The following DENND11 variants were observed in gnomAD, a reference collection of about 807,000 sequenced individuals.
The protein encoded by DENND11 is DENN domain-containing protein 11.
Under a neutral mutation model 49.2 loss-of-function variants are expected in DENND11, and 34 were observed. The ratio of observed to expected loss-of-function variants is 0.69; its 90% confidence interval spans 0.53 to 0.92. The LOEUF is 0.92. Ranked by LOEUF, DENND11 falls within the 40% of genes least tolerant of loss-of-function variation. The pLI, the probability that DENND11 is intolerant of heterozygous loss-of-function variation, is 0.00. For synonymous variants in DENND11, 238 were observed against 230.3 expected, an observed-to-expected ratio of 1.03 and a Z score of -0.30; for missense variants, 475 against 581.6, an observed-to-expected ratio of 0.82 and a Z score of 1.88.
chr7:141,669,955 C>G (rs1020692841), intron 4 of DENND11, among the ~76,000 whole-genome samples: 1 of 150,868 alleles, frequency 6.6e-6, no homozygotes, highest in Non-Finnish European at 1.5e-5. Flanking sequence ...GGACTACAGG[C>G]GCCCGCCACC....
At chr7:141,674,539 C>G (rs750446786) in intron 3 of DENND11, among the ~76,000 whole-genome samples, 1 of 152,094 alleles carries the variant, frequency 6.6e-6, no homozygotes, top group Non-Finnish European at 1.5e-5. Context: ...CAAGGTACGC[C>G]GGAGACTGGG....
chr7:141,682,209 G>T (rs1257548557), intron 3 of DENND11, among the ~76,000 whole-genome samples: 1 of 152,186 alleles, frequency 6.6e-6, no homozygotes, highest in Non-Finnish European at 1.5e-5. Context: ...TTTTAGACTG[G>T]AAGCATGAAC....
At chr7:141,685,029 A>AATATATAT (rs1167922771) in intron 3 of DENND11, among the ~76,000 whole-genome samples, 50 of 91,534 alleles carry the variant, frequency 5.5e-4, no homozygotes, top group Non-Finnish European at 7.0e-4. Flanking sequence ...AAAAAAAAAA[A>AATATATAT]ATATATATAT....
intron 1 of DENND11, among the ~76,000 whole-genome samples, chr7:141,697,194 G>A (rs1798427151): frequency 6.6e-6 from 1 of 152,164 alleles, no homozygotes; most frequent in African/African-American, 2.4e-5. Context: ...GGGAGGATCA[G>A]AGGCAGGTCA....
chr7:141,671,366 G>T (rs1487339816), intron 4 of DENND11, among the ~76,000 whole-genome samples: 1 of 152,132 alleles, frequency 6.6e-6, no homozygotes, highest in Non-Finnish European at 1.5e-5. Context: ...TAGTAGAGAT[G>T]GGGTTTCACC....
intron 4 of DENND11, among the ~76,000 whole-genome samples, chr7:141,673,662 A>G (rs1798018639): frequency 6.6e-6 from 1 of 152,266 alleles, no homozygotes; most frequent in Admixed American, 6.5e-5. Flanking sequence ...ATATTCTAGT[A>G]CCAAAGCCAA....
intron 8 of DENND11, 43 bp from the exon 9 acceptor site, chr7:141,662,894 A>G (rs1238443483): frequency 2.8e-6 from 4 of 1,418,926 alleles, no homozygotes; most frequent in Non-Finnish European, 2.8e-6. Context: ...GCGGGGGGGA[A>G]TAAAAAGCTC....
intron 4 of DENND11, 117 bp from the exon 5 acceptor site, chr7:141,666,542 T>G: frequency 2.0e-6 from 2 of 979,418 alleles, no homozygotes; most frequent in Non-Finnish European, 2.9e-6. Flanking sequence ...AACAGATACA[T>G]TAAAGGATGC....
chr7:141,692,919 C>T (rs1798349932), intron 1 of DENND11, among the ~76,000 whole-genome samples: 1 of 152,110 alleles, frequency 6.6e-6, no homozygotes, highest in African/African-American at 2.4e-5. Context: ...TAGAAGATAA[C>T]ACAGGAGAAA....
In DENND11 at chr7:141,702,100, G is replaced by A. The variant is rs1267347337; in HGVS notation, c.54C>T (p.Ala18=). The change falls in exon 1 of 9, where the codon GCC becomes GCT. Residue 18 remains alanine, a synonymous_variant. Transcript: ENST00000536163. The part of the protein sequence containing the change: ...APLLRWAEGP[A]VSLPQAPQPQ... Reference sequence around the variant, plus strand: ...GCTGCGGGGCCTGCGGCAGGGAGACGGCGGGGCCCTCGGCCCAGCGCAGCA... The same window carrying A: ...GCTGCGGGGCCTGCGGCAGGGAGACAGCGGGGCCCTCGGCCCAGCGCAGCA... The A allele has an allele frequency of 4.1e-6, 4 of 984,738 alleles. No individual in the cohort carries two copies. Among genetic ancestry groups the A allele is most frequent in the East Asian group, 1.1e-4 (1 of 8,838 alleles). The allele number at this position is 984,738 out of a possible 1,614,324, so 61.0% of individuals were successfully genotyped here.
chr7:141,700,899 G>A (rs1798500502), intron 1 of DENND11, among the ~76,000 whole-genome samples: 3 of 151,790 alleles, frequency 2.0e-5, no homozygotes, highest in Non-Finnish European at 4.4e-5. Context: ...TTTCCCGCAC[G>A]AACAGGCACT....
chr7:141,663,210 TCAA>T (rs985699859), intron 8 of DENND11: 14 of 192,318 alleles, frequency 7.3e-5, no homozygotes, highest in East Asian at 6.6e-4. Flanking sequence ...AAGCAAAAAT[TCAA>T]CAACAACAAC....
At chr7:141,679,172 T>A (rs1259373230) in intron 3 of DENND11, among the ~76,000 whole-genome samples, 5 of 152,236 alleles carry the variant, frequency 3.3e-5, no homozygotes, top group Non-Finnish European at 7.3e-5. Context: ...CTTCTTTCTT[T>A]TCCTCATACT....
Position 141,662,807 on chromosome 7 carries a change from T to C in DENND11, c.1217A>G (p.Glu406Gly). The change falls in exon 9 of 9, where the codon GAG becomes GGG. Residue 406 changes from glutamate (E) to glycine (G), a missense_variant. By Grantham distance (98) the Glu-to-Gly change is moderately conservative. Transcript: ENST00000536163. ...QNNRIFQTLLEVSASQDKTLT... is the reference protein window; with the variant it reads ...QNNRIFQTLLGVSASQDKTLT... The stretch of plus-strand genomic sequence containing the variant: ...AGTTTTGTCTTGACTGGCAGACACC[T>C]CCAACAAAGTCTGAAATATCCGGTT... 1 of 1,590,484 alleles carries C rather than the reference T, an allele frequency of 6.3e-7. No individual in the cohort carries two copies. The highest frequency in any genetic ancestry group is 1.1e-5 in the South Asian group (1 of 87,390).
chr7:141,674,614 G>A (rs954667934), intron 3 of DENND11, among the ~76,000 whole-genome samples: 2 of 152,142 alleles, frequency 1.3e-5, no homozygotes, highest in African/African-American at 4.8e-5. Context: ...AAAATTCCCT[G>A]CTTAAAGCCG....
chr7:141,700,477 G>GA (rs201716585), intron 1 of DENND11, among the ~76,000 whole-genome samples: 6,896 of 117,354 alleles, frequency 0.059, 207 homozygotes, highest in Non-Finnish European at 0.069. Context: ...GACACTGTCT[G>GA]AAAAAAAAAA....
At position 141,702,054 on chromosome 7, in the gene DENND11, G is replaced by A. The variant is rs1197656791; in HGVS notation, c.100C>T (p.Arg34Trp). ...GGCCGGGCGCCCCCGCCGCCGCCCCGGCCCCAGCCTCCCGCCTGCGGCTGC... is the reference window on the plus strand; with the variant it reads ...GGCCGGGCGCCCCCGCCGCCGCCCCAGCCCCAGCCTCCCGCCTGCGGCTGC... ...APQPQAGGWG[R>W]GGGGGARPAA... The change falls in exon 1 of 9, where the codon CGG becomes TGG. Residue 34 changes from arginine (R) to tryptophan (W), a missense_variant. Arg to Trp is a moderately radical substitution (Grantham distance 101). Coordinates refer to ENST00000536163, the MANE Select transcript of DENND11 (RefSeq NM_001080392.2). The A allele has an allele frequency of 3.0e-6, 3 of 993,118 alleles. No homozygotes were observed. Among genetic ancestry groups the A allele is most frequent in the Non-Finnish European group, 3.6e-6 (3 of 836,572 alleles). The allele number at this position is 993,118 out of a possible 1,614,324, so 61.5% of individuals were successfully genotyped here. A position where few individuals can be genotyped will look rare whatever the true frequency, so the allele number is the denominator to read the frequency against.
chr7:141,684,043 T>C (rs1168453820), intron 3 of DENND11, among the ~76,000 whole-genome samples: 1 of 152,216 alleles, frequency 6.6e-6, no homozygotes, highest in Non-Finnish European at 1.5e-5. Context: ...TCCTCTCACC[T>C]CAGCCTCCTA....
At chr7:141,666,669 T>G (rs1797900940) in intron 4 of DENND11, among the ~76,000 whole-genome samples, 1 of 152,138 alleles carries the variant, frequency 6.6e-6, no homozygotes, top group South Asian at 2.1e-4. Flanking sequence ...ATTATTTTAC[T>G]CAGGAGAACA....
Sources: allele counts gnomAD v4.1 joint callset (sites outside exome capture counted in the v4.1 genomes callset), GRCh38; gene constraint gnomAD v4.1.1; transcripts MANE v1.5; gene names NCBI Gene and HGNC (gene_info 2026-07-23, HGNC 2026-07-21).